DKK2: variants seen among roughly 807,000 people sequenced by gnomAD.
DKK2 encodes dickkopf Wnt signaling pathway inhibitor 2.
A neutral mutation model predicts 28.1 loss-of-function variants in DKK2; 11 were observed. The ratio of observed to expected loss-of-function variants is 0.39; its 90% CI spans 0.25 to 0.65. DKK2 has a LOEUF of 0.65. Ranked by LOEUF, DKK2 falls within the 30% of genes least tolerant of loss-of-function variation. The probability of loss-of-function intolerance (pLI) is 0.47; values close to 1 mark genes in which losing one functional copy is unlikely to be tolerated. For missense variants in DKK2, 326 were observed against 335.5 expected, an observed-to-expected ratio of 0.97 and a Z score of 0.22; for synonymous variants, 135 against 126.5, an observed-to-expected ratio of 1.07 and a Z score of -0.45.
intron 1 of DKK2, among the ~76,000 whole-genome samples, chr4:107,026,737 G>A (rs1178920091): frequency 1.3e-5 from 2 of 152,064 alleles, no homozygotes; most frequent in Non-Finnish European, 2.9e-5. Flanking sequence ...CGATTTTGTT[G>A]CCCGACTCCA....
At position 106,974,642 on chromosome 4, in the gene DKK2, C is replaced by A. The variant is rs368884623; in HGVS notation, c.223-48693G>T. Among the ~76,000 whole-genome samples the A allele has an allele frequency of 8.5e-5, 13 of 152,294 alleles. No individual in the cohort carries two copies. In the East Asian group the frequency reaches 2.5e-3, roughly 29 times the overall value. ...CTTATCAGCTTAAGGAGATTTTGGG[C>A]TGAGACAATGGGGTGTTCTAAATAT... is the stretch of plus-strand genomic sequence containing the variant. On this transcript the variant is annotated intron_variant, in intron 1 of 3. Transcript: ENST00000285311.
At chr4:106,957,826 C>T (rs969775159) in intron 1 of DKK2, among the ~76,000 whole-genome samples, 4 of 148,948 alleles carry the variant, frequency 2.7e-5, no homozygotes, top group Non-Finnish European at 5.9e-5. Flanking sequence ...ATGGGTGCAG[C>T]ACACCAGCAT....
intron 1 of DKK2, among the ~76,000 whole-genome samples, chr4:106,995,175 ACTT>A (rs1214705354): frequency 2.0e-5 from 3 of 152,122 alleles, no homozygotes; most frequent in African/African-American, 7.2e-5. Context: ...TTCTAAGGCA[ACTT>A]CTTTGAGAAT....
chr4:106,947,978 G>A (rs949242592), intron 1 of DKK2, among the ~76,000 whole-genome samples: 16 of 151,958 alleles, frequency 1.1e-4, no homozygotes, highest in African/African-American at 3.1e-4. Context: ...TAAACTGCTC[G>A]GTGGCATTTT....
chr4:106,933,205 T>G (rs991717369), intron 1 of DKK2, among the ~76,000 whole-genome samples: 7 of 152,186 alleles, frequency 4.6e-5, no homozygotes, highest in Non-Finnish European at 8.8e-5. Context: ...TATATAGAAC[T>G]GTTGCAAGAT....
At chr4:106,948,398 T>C (rs1724810501) in intron 1 of DKK2, among the ~76,000 whole-genome samples, 1 of 152,172 alleles carries the variant, frequency 6.6e-6, no homozygotes, top group Non-Finnish European at 1.5e-5. Flanking sequence ...CCACATTGAA[T>C]TTCCCATTCC....
At chr4:107,021,312 G>A (rs1723688099) in intron 1 of DKK2, among the ~76,000 whole-genome samples, 1 of 151,866 alleles carries the variant, frequency 6.6e-6, no homozygotes, top group Admixed American at 6.6e-5. Context: ...ATGTTTTTAT[G>A]GCCCTAAAGT....
chr4:106,997,841 T>C (rs1723298025), intron 1 of DKK2, among the ~76,000 whole-genome samples: 1 of 152,210 alleles, frequency 6.6e-6, no homozygotes, highest in Non-Finnish European at 1.5e-5. Flanking sequence ...AATAGCTTCT[T>C]CTTTTTCCCT....
chr4:106,993,693 C>T (rs1264826784), intron 1 of DKK2, among the ~76,000 whole-genome samples: 1 of 152,014 alleles, frequency 6.6e-6, no homozygotes, highest in Non-Finnish European at 1.5e-5. Flanking sequence ...TAAACCTTTA[C>T]ATAATGTCCA....
chr4:107,009,974 A>G (rs1477620219), intron 1 of DKK2, among the ~76,000 whole-genome samples: 2 of 151,762 alleles, frequency 1.3e-5, no homozygotes, highest in Non-Finnish European at 3.0e-5. Flanking sequence ...TCAAATTTAT[A>G]CTTCAAAAGA....
intron 1 of DKK2, among the ~76,000 whole-genome samples, chr4:106,963,213 C>T (rs1464511551): frequency 2.0e-5 from 3 of 151,566 alleles, no homozygotes; most frequent in East Asian, 3.9e-4. Context: ...ATTAGCTGGG[C>T]GTGGTGGCAG....
At position 107,036,049 on chromosome 4, in the gene DKK2, T is replaced by C. The variant is rs1299855726; in HGVS notation, c.-458A>G. 5.5e-6 allele frequency: 1 copy of C among 180,296 alleles called. No homozygotes were observed. Among genetic ancestry groups the C allele is most frequent in the African/African-American group, 2.4e-5 (1 of 42,038 alleles). 11.2% of individuals were successfully genotyped at this position (180,296 alleles called of 1,614,324 possible). A position where few individuals can be genotyped will look rare whatever the true frequency, so the allele number is the denominator to read the frequency against. ...TCAGTTGCTTTTCTCTCCTCTCTTTTCCTATCCTTTATGTGTCAAACTTTG... is the reference window on the plus strand; with the variant it reads ...TCAGTTGCTTTTCTCTCCTCTCTTTCCCTATCCTTTATGTGTCAAACTTTG... On this transcript the variant is annotated 5_prime_UTR_variant, in exon 1 of 4. Transcript: ENST00000285311.
At chr4:106,970,569 C>T (rs1722855978) in intron 1 of DKK2, among the ~76,000 whole-genome samples, 1 of 152,052 alleles carries the variant, frequency 6.6e-6, no homozygotes, top group Non-Finnish European at 1.5e-5. Flanking sequence ...GATTGACAAT[C>T]CCTGTTGCTA....
chr4:106,997,837 T>G (rs1723297920), intron 1 of DKK2, among the ~76,000 whole-genome samples: 1 of 152,210 alleles, frequency 6.6e-6, no homozygotes. Context: ...TTTAAATAGC[T>G]TCTTCTTTTT....
rs1724370896 is a variant in DKK2 at position 106,923,033 on chromosome 4, T to G, written c.*921A>C. The G allele has an allele frequency of 6.6e-6, 1 of 152,208 alleles. No individual in the cohort carries two copies. Among genetic ancestry groups the G allele is most frequent in the South Asian group, 2.1e-4 (1 of 4,830 alleles). 9.4% of individuals were successfully genotyped at this position (152,208 alleles called of 1,614,324 possible). On this transcript the variant is annotated 3_prime_UTR_variant, in exon 4 of 4. Coordinates refer to ENST00000285311, the MANE Select transcript of DKK2 (RefSeq NM_014421.3). ...GGCCAATCTTTAAGAAATAATGATC[T>G]CTCTGTTAGCTCTTTTCCCACATAT...
At chr4:106,956,549 C>T (rs528110087) in intron 1 of DKK2, among the ~76,000 whole-genome samples, 6 of 152,256 alleles carry the variant, frequency 3.9e-5, no homozygotes, top group South Asian at 4.1e-4. Context: ...GTTACCAAAA[C>T]GGAGATATAG....
chr4:107,005,527 C>T (rs1255438479), intron 1 of DKK2, among the ~76,000 whole-genome samples: 1 of 152,032 alleles, frequency 6.6e-6, no homozygotes, highest in Non-Finnish European at 1.5e-5. Context: ...ACACAGTCCT[C>T]CCCAAATAAA....
intron 1 of DKK2, among the ~76,000 whole-genome samples, chr4:107,017,953 T>A (rs1207235151): frequency 2.0e-5 from 3 of 152,104 alleles, no homozygotes; most frequent in Non-Finnish European, 4.4e-5. Context: ...GTTCGATTAC[T>A]CTAGCATTTT....
chr4:106,986,656 T>TCACA lies in DKK2; in HGVS notation c.222+48710_222+48713dup, dbSNP rs545367055. 5.3e-5 allele frequency among the ~76,000 whole-genome samples: 8 copies of TCACA among 151,732 alleles called. 1 individual carries two copies. In the South Asian group the frequency reaches 1.7e-3, roughly 32 times the overall value. ...ATGTAACTAGAGTGACTCATTCACA[T>TCACA]CACACACACACACACCATCATCAAT... On this transcript the variant is annotated intron_variant, in intron 1 of 3. Coordinates refer to ENST00000285311, the MANE Select transcript of DKK2 (RefSeq NM_014421.3).
Sources: gnomAD v4.1 joint callset for allele counts (sites outside exome capture counted in the v4.1 genomes callset) on GRCh38, gnomAD v4.1.1 for gene constraint, MANE v1.5 for transcripts, NCBI Gene and HGNC (gene_info 2026-07-23, HGNC 2026-07-21) for gene names.